SYNE1: variants seen among roughly 807,000 people sequenced by gnomAD.
The protein encoded by SYNE1 is spectrin repeat containing nuclear envelope protein 1.
A neutral mutation model predicts 1,111.0 loss-of-function variants in SYNE1; 616 were observed. The observed-to-expected ratio is 0.55, with a 90% CI of 0.52 to 0.59. The LOEUF is 0.59. SYNE1 is among the 20% of genes least tolerant of loss of function. The pLI is 0.00. For missense variants in SYNE1, 10,006 were observed against 10,417.0 expected (o/e 0.96, Z 1.72); for synonymous variants, 3,855 against 3,825.8 (o/e 1.01, Z -0.28).
chr6:152,403,067 T>C (rs1287302856), intron 46 of SYNE1, among the ~76,000 whole-genome samples: 1 of 152,140 alleles, frequency 6.6e-6, no homozygotes, highest in East Asian at 1.9e-4. Flanking sequence ...CTAGATTGAT[T>C]GCTTAGCCCA....
intron 11 of SYNE1, among the ~76,000 whole-genome samples, chr6:152,496,453 C>A (rs566238115): frequency 1.4e-4 from 22 of 152,266 alleles, no homozygotes; most frequent in Middle Eastern, 3.4e-3. Context: ...CCTTTATTAC[C>A]TCTTTTTCTC....
intron 39 of SYNE1, among the ~76,000 whole-genome samples, chr6:152,421,704 T>G (rs1040444585): frequency 6.6e-6 from 1 of 150,480 alleles, no homozygotes; most frequent in African/African-American, 2.4e-5. Context: ...TATTTATTTA[T>G]TTATTTATTT....
At chr6:152,212,194 C>T (rs900867684) in intron 123 of SYNE1, among the ~76,000 whole-genome samples, 1 of 152,076 alleles carries the variant, frequency 6.6e-6, no homozygotes, top group Non-Finnish European at 1.5e-5. Flanking sequence ...ATTATATTTA[C>T]AGACTTTACA....
At chr6:152,441,409 C>A in intron 31 of SYNE1, 139 bp from the exon 32 acceptor site, 1 of 873,154 alleles carries the variant, frequency 1.1e-6, no homozygotes, top group Non-Finnish European at 1.7e-6. Flanking sequence ...AGAGATGATT[C>A]TAGTATCTTC....
At chr6:152,218,568 ATCT>A (rs1471404304) in intron 120 of SYNE1, among the ~76,000 whole-genome samples, 165 bp from the exon 121 acceptor site, 2 of 152,240 alleles carry the variant, frequency 1.3e-5, no homozygotes, top group African/African-American at 2.4e-5. Context: ...AACAATTTAA[ATCT>A]TCTTTATGTA....
rs1483590277 is a variant in SYNE1 at position 152,293,740 on chromosome 6, T to C, written c.17860A>G (p.Lys5954Glu). The stretch of plus-strand genomic sequence containing the variant: ...AAAGCTTCATAGAGTGTGCGCTGCT[T>C]CTCACTGATCTACACCAGAAAAGGG... ...WETLKNVISEKQRTLYEALER... is the reference protein window; with the variant it reads ...WETLKNVISEEQRTLYEALER... Residue 5954 changes from lysine (K) to glutamate (E), a missense_variant, in exon 95 of 146, where the codon AAG (lysine) becomes GAG (glutamate). Lys to Glu is a moderately conservative substitution (Grantham distance 56, BLOSUM62 1). Around this residue, in one of 7 missense-constraint regions of SYNE1, gnomAD observed 4,955 missense variants for 5,017.2 expected, o/e 0.99. Transcript: ENST00000367255. 1.3e-6 allele frequency: 2 copies of C among 1,570,452 alleles called. No homozygotes were observed. Among genetic ancestry groups the C allele is most frequent in the African/African-American group, 3.2e-5 (2 of 61,674 alleles).
intron 137 of SYNE1, chr6:152,144,202 T>G (rs925596703): frequency 3.9e-5 from 11 of 281,336 alleles, no homozygotes; most frequent in Non-Finnish European, 6.9e-5. Context: ...CTCTGATTTT[T>G]CTTCATGCAC....
chr6:152,422,506 T>TC (rs2154190919), intron 39 of SYNE1, among the ~76,000 whole-genome samples: 1 of 152,226 alleles, frequency 6.6e-6, no homozygotes, highest in Admixed American at 6.5e-5. Flanking sequence ...CCTTTTTTTT[T>TC]CTTTTTATTT....
chr6:152,181,149 C>T lies in SYNE1; in HGVS notation c.23302-855G>A, dbSNP rs188051725. Among the ~76,000 whole-genome samples the T allele has an allele frequency of 5.2e-3, 774 of 149,668 alleles. 3 individuals are homozygous for T. The highest frequency in any genetic ancestry group is 8.4e-3 in the Non-Finnish European group (569 of 67,890). On this transcript the variant is annotated intron_variant, in intron 128 of 145. Transcript: ENST00000367255. The stretch of plus-strand genomic sequence containing the variant: ...ATCCTAACACTTTGGGAGGCCAAGG[C>T]GGGCAGAATCCTAACACTTTGGGAG...
intron 38 of SYNE1, among the ~76,000 whole-genome samples, chr6:152,425,946 G>C (rs2098345553): frequency 6.6e-6 from 1 of 152,176 alleles, no homozygotes; most frequent in Non-Finnish European, 1.5e-5. Context: ...TTGCCGGAGA[G>C]ACTCAGTGCA....
At chr6:152,411,383 A>C (rs528251010) in intron 42 of SYNE1, among the ~76,000 whole-genome samples, 1 of 152,296 alleles carries the variant, frequency 6.6e-6, no homozygotes, top group East Asian at 1.9e-4. Flanking sequence ...AGCTGCCAGC[A>C]AAGTCCTCCA....
chr6:152,614,460 G>A (rs1325501917), intron 3 of SYNE1, among the ~76,000 whole-genome samples: 1 of 152,124 alleles, frequency 6.6e-6, no homozygotes, highest in Non-Finnish European at 1.5e-5. Flanking sequence ...TAAGAATGGC[G>A]ATTATTAAAA....
chr6:152,300,806 G>T, intron 92 of SYNE1, 25 bp from the exon 93 acceptor site: 2 of 1,614,132 alleles, frequency 1.2e-6, no homozygotes, highest in Non-Finnish European at 8.5e-7. Flanking sequence ...GTAGCCCAAA[G>T]GACATGAAAA....
At chr6:152,133,565 T>G in intron 142 of SYNE1, 77 bp from the exon 143 acceptor site, 1 of 1,398,818 alleles carries the variant, frequency 7.1e-7, no homozygotes, top group Middle Eastern at 1.8e-4. Flanking sequence ...CAGAATGCAA[T>G]CAACTTAACT....
At position 152,239,724 on chromosome 6, in the gene SYNE1, G is replaced by C. The variant is rs1281961178; in HGVS notation, c.19894-18C>G. 4 of 1,613,844 alleles carry C rather than the reference G, an allele frequency of 2.5e-6. No individual in the cohort carries two copies. The highest frequency in any genetic ancestry group is 2.7e-5 in the African/African-American group (2 of 74,928). On this transcript the variant is annotated intron_variant, in intron 107 of 145. Coordinates refer to ENST00000367255, the MANE Select transcript of SYNE1 (RefSeq NM_182961.4). ...AAGTATTCCTGCAATTTTTCAGGAA[G>C]AAAGAAGTCAGCAACTCATTCATAT... is the stretch of plus-strand genomic sequence containing the variant.
intron 93 of SYNE1, among the ~76,000 whole-genome samples, chr6:152,298,092 G>A (rs760289227): frequency 3.3e-5 from 5 of 152,064 alleles, no homozygotes; most frequent in African/African-American, 7.2e-5. Flanking sequence ...AAATAAATTT[G>A]GACAACTGTA....
intron 127 of SYNE1, among the ~76,000 whole-genome samples, chr6:152,195,987 A>G (rs578009760): frequency 2.9e-4 from 44 of 152,336 alleles, no homozygotes; most frequent in African/African-American, 1.0e-3. Context: ...TACCGAAACC[A>G]TAAGAAAAAG....
chr6:152,530,623 A>ATTT (rs35951822), intron 4 of SYNE1, among the ~76,000 whole-genome samples: 2 of 141,986 alleles, frequency 1.4e-5, no homozygotes, highest in Non-Finnish European at 3.1e-5. Flanking sequence ...GTGTGATGAA[A>ATTT]TTTTTTTTTT....
chr6:152,463,658 C>A, intron 18 of SYNE1, 141 bp from the exon 19 acceptor site: 2 of 793,418 alleles, frequency 2.5e-6, no homozygotes, highest in South Asian at 1.6e-5. Flanking sequence ...CTTTAAAATG[C>A]ACATTTTTGA....
Sources: gnomAD v4.1 joint callset for allele counts (sites outside exome capture counted in the v4.1 genomes callset) on GRCh38, gnomAD v4.1.1 for gene constraint, gnomAD v4.1.1 regional missense constraint, MANE v1.5 for transcripts, NCBI Gene and HGNC (gene_info 2026-07-23, HGNC 2026-07-21) for gene names.